The following KRT27 variants were observed in gnomAD, a reference collection of about 807,000 sequenced individuals.
KRT27 encodes the protein keratin 27.
A neutral mutation model predicts 45.3 loss-of-function variants in KRT27; 30 were observed. That is an observed-to-expected ratio of 0.66 (90% confidence interval 0.50 to 0.90). The LOEUF (loss-of-function observed/expected upper bound fraction) is 0.90. Ranked by LOEUF, KRT27 falls within the 40% of genes least tolerant of loss-of-function variation. The probability of loss-of-function intolerance (pLI) is 0.00; values close to 1 mark genes in which losing one functional copy is unlikely to be tolerated. For synonymous variants in KRT27, 204 were observed against 223.9 expected (o/e 0.91, Z 0.79); for missense variants, 610 against 564.3 (o/e 1.08, Z -0.82).
intron 2 of KRT27, 86 bp downstream of exon 2, chr17:40,781,102 G>A (rs1597803234): frequency 2.6e-6 from 2 of 778,106 alleles, no homozygotes; most frequent in South Asian, 1.9e-5. Context: ...ACAAAGGCTT[G>A]AGACAACGTC....
chr17:40,781,056 G>A (rs2143036080), intron 2 of KRT27, 132 bp downstream of exon 2: 1 of 527,882 alleles, frequency 1.9e-6, no homozygotes, highest in Non-Finnish European at 3.3e-6. Flanking sequence ...ATTCTAACAG[G>A]CATTTTGTTT....
In KRT27 at chr17:40,779,560, A is replaced by T. The variant is rs981684; in HGVS notation, c.914T>A (p.Ile305Asn). 6.2e-7 allele frequency: 1 copy of T among 1,614,014 alleles called. No homozygotes were observed. The highest frequency in any genetic ancestry group is 1.7e-5 in the Admixed American group (1 of 60,010). ...GGTTTGAAGAGTGCGTTTCATCTCG[A>T]TAAGCTCATTCCGGGCTGAGGTGGT... ...GATTSARNEL[I>N]EMKRTLQTLE... is the part of the protein sequence containing the mutation. Residue 305 changes from isoleucine (I) to asparagine (N), a missense_variant, in exon 5 of 8, where the codon ATC becomes AAC. Ile to Asn is a moderately radical substitution (Grantham distance 149). Coordinates refer to ENST00000301656, the MANE Select transcript of KRT27 (RefSeq NM_181537.4).
intron 7 of KRT27, 51 bp downstream of exon 7, chr17:40,777,202 T>G: frequency 6.2e-7 from 1 of 1,610,966 alleles, no homozygotes; most frequent in Non-Finnish European, 8.5e-7. Context: ...TAAAACATCA[T>G]TTGAAACACA....
chr17:40,777,697 C>G lies in KRT27; in HGVS notation c.1008G>C (p.Glu336Asp), dbSNP rs1207278996. ...GTGCCAGCTGTGCACAGTAGTTACT[C>G]TCGGTCTCTGTCAAGGAGCACTCCA... ...HSLECSLTET[E>D]SNYCAQLAQI... The change falls in exon 6 of 8, where the codon GAG becomes GAC. Residue 336 changes from glutamate (E) to aspartate (D), a missense_variant. Coordinates refer to ENST00000301656, the MANE Select transcript of KRT27 (RefSeq NM_181537.4). The G allele has an allele frequency of 6.2e-7, 1 of 1,614,016 alleles. No individual in the cohort carries two copies. Among genetic ancestry groups the G allele is most frequent in the Non-Finnish European group, 8.5e-7 (1 of 1,180,032 alleles).
chr17:40,777,862 ACTT>A lies in KRT27; in HGVS notation c.973-133_973-131del, dbSNP rs2038278816. On this transcript the variant is annotated intron_variant, in intron 5 of 7. Transcript: ENST00000301656. ...TAATTATATTTACCCAAAAGATTCCACTTCTTCAATATTAATTGTTGCCTTTAT... is the reference window on the plus strand; with the variant it reads ...TAATTATATTTACCCAAAAGATTCCACTTCAATATTAATTGTTGCCTTTAT... The A allele has an allele frequency of 5.4e-6, 5 of 932,644 alleles. No individual in the cohort carries two copies. In the South Asian group the frequency reaches 6.9e-5, roughly 13 times the overall value. 57.8% of individuals were successfully genotyped at this position (932,644 alleles called of 1,614,324 possible).
intron 3 of KRT27, 37 bp downstream of exon 3, chr17:40,780,263 G>C: frequency 6.4e-7 from 1 of 1,557,736 alleles, no homozygotes; most frequent in Admixed American, 2.1e-5. Flanking sequence ...ATTTGGTAGG[G>C]AGGCGATTGT....
In KRT27 at chr17:40,781,171, T is replaced by A. The variant is rs775356142; in HGVS notation, c.527+17A>T. 2 of 1,556,976 alleles carry A rather than the reference T, an allele frequency of 1.3e-6. No homozygotes were observed. The highest frequency in any genetic ancestry group is 1.8e-6 in the Non-Finnish European group (2 of 1,142,148). On this transcript the variant is annotated intron_variant, in intron 2 of 7. Transcript: ENST00000301656. ...TTAGACAACTTTTTTTTCCCATTTA[T>A]CTTCAGCTCTACTTACTTTAGTCTG...
In KRT27 at chr17:40,777,181, TA is replaced by T. The variant is rs774946384; in HGVS notation, c.1241-44del. On this transcript the variant is annotated intron_variant, in intron 7 of 7. Transcript: ENST00000301656. The stretch of plus-strand genomic sequence containing the variant: ...AACTGTTTAGAATTTATCAAATTCA[TA>T]AATAGGAAATAAAACATCATTTGAA... 6.2e-6 allele frequency: 10 copies of T among 1,610,250 alleles called. No homozygotes were observed. In the African/African-American group the frequency reaches 1.3e-4, roughly 22 times the overall value.
At chr17:40,779,941 G>T in intron 3 of KRT27, 80 bp from the exon 4 acceptor site, 1 of 1,454,930 alleles carries the variant, frequency 6.9e-7, no homozygotes. Flanking sequence ...TCGCTCTGAT[G>T]CCTAGGCTGA....
intron 6 of KRT27, 34 bp downstream of exon 6, chr17:40,777,481 A>T (rs1165425873): frequency 6.2e-7 from 1 of 1,606,224 alleles, no homozygotes; most frequent in Admixed American, 1.7e-5. Context: ...TAACCTTAAA[A>T]ATGAATTGTT....
In KRT27 at chr17:40,782,166, C is replaced by T. The variant is rs377132038; in HGVS notation, c.328G>A (p.Ala110Thr). ...ENVRALEEANADLEQKIKGWY... is the reference protein window; with the variant it reads ...ENVRALEEANTDLEQKIKGWY... ...CCCTTGATCTTCTGCTCCAAGTCAG[C>T]GTTGGCCTCCTCTAGGGCTCGAACA... is the stretch of plus-strand genomic sequence containing the variant. The change falls in exon 1 of 8, where the codon GCT becomes ACT. Residue 110 changes from alanine (A) to threonine (T), a missense_variant. Physicochemically the swap from Ala to Thr is moderately conservative, Grantham distance 58 (BLOSUM62 0). Coordinates refer to ENST00000301656, the MANE Select transcript of KRT27 (RefSeq NM_181537.4). 11 of 1,614,076 alleles carry T rather than the reference C, an allele frequency of 6.8e-6. No individual in the cohort carries two copies. The highest frequency in any genetic ancestry group is 2.2e-5 in the East Asian group (1 of 44,886).
chr17:40,777,421 G>T, intron 6 of KRT27, 94 bp downstream of exon 6: 1 of 1,520,758 alleles, frequency 6.6e-7, no homozygotes, highest in Non-Finnish European at 9.1e-7. Flanking sequence ...TATTATCTAT[G>T]CGTGATCTAG....
At position 40,779,742 on chromosome 17, in the gene KRT27, T is replaced by C; in HGVS notation, c.804A>G (p.Ala268=). Residue 268 remains alanine (A), a synonymous_variant, in exon 4 of 8, where the codon GCA becomes GCG. Transcript: ENST00000301656. ...NNMRAEYEAL[A]EQNRRDAEAW... is the part of the protein sequence containing the mutation. ...CCTCCGCGTCCCTGCGGTTCTGCTC[T>C]GCGAGGGCTTCGTACTCAGCTCGCA... is the stretch of plus-strand genomic sequence containing the variant. 2 of 1,614,258 alleles carry C rather than the reference T, an allele frequency of 1.2e-6. No homozygotes were observed. Among genetic ancestry groups the C allele is most frequent in the Non-Finnish European group, 1.7e-6 (2 of 1,180,038 alleles).
chr17:40,782,449 G>C lies in KRT27; in HGVS notation c.45C>G (p.Cys15Trp). The change falls in exon 1 of 8, where the codon TGC becomes TGG. Residue 15 changes from cysteine (C) to tryptophan (W), a missense_variant. By Grantham distance (215) the Cys-to-Trp change is radical. Coordinates refer to ENST00000301656, the MANE Select transcript of KRT27 (RefSeq NM_181537.4). ...AGAGCCTCACAGAGCCAGTGCCCCC[G>C]CAAGAGCCAAGTCTCCTGGAGGTAG... ...FSSTSRRLGS[C>W]GGTGSVRLSS... 6.2e-7 allele frequency: 1 copy of C among 1,603,764 alleles called. No homozygotes were observed. Among genetic ancestry groups the C allele is most frequent in the South Asian group, 1.1e-5 (1 of 89,610 alleles).
intron 5 of KRT27, chr17:40,778,011 C>T (rs1184755343): frequency 2.3e-6 from 1 of 426,214 alleles, no homozygotes; most frequent in African/African-American, 2.0e-5. Context: ...TGAAAGATCC[C>T]TCCCCTGCAC....
chr17:40,780,705 C>T lies in KRT27; in HGVS notation c.528-249G>A, dbSNP rs565951846. ...CTATTAAAAAATACAAAAAATTAGC[C>T]GGGCGCAGTGGTGGGCGCCTGTAGT... On this transcript the variant is annotated intron_variant, in intron 2 of 7. Coordinates refer to ENST00000301656, the MANE Select transcript of KRT27 (RefSeq NM_181537.4). Among the ~76,000 whole-genome samples, 16 of 152,164 alleles carry T rather than the reference C, an allele frequency of 1.1e-4. No individual in the cohort carries two copies. The South Asian group carries it at 3.1e-3, about 30-fold the overall frequency.
At position 40,782,317 on chromosome 17, in the gene KRT27, G is replaced by A. The variant is rs751455637; in HGVS notation, c.177C>T (p.Gly59=). Residue 59 remains glycine (G), a synonymous_variant, in exon 1 of 8, where the codon GGC becomes GGT. Coordinates refer to ENST00000301656, the MANE Select transcript of KRT27 (RefSeq NM_181537.4). ...FGGSSSAGGY[G]GGLGGGSASC... ...AAGCACTTCCCCCGCCCAGACCTCC[G>A]CCATAGCCTCCTGCAGATGAGCTGC... 30 of 1,613,924 alleles carry A rather than the reference G, an allele frequency of 1.9e-5. No individual in the cohort carries two copies. In the Admixed American group the frequency reaches 3.8e-4, roughly 21 times the overall value.
chr17:40,779,741 C>T lies in KRT27; in HGVS notation c.805G>A (p.Glu269Lys), dbSNP rs1342165143. 1.2e-6 allele frequency: 2 copies of T among 1,614,134 alleles called. No individual in the cohort carries two copies. Among genetic ancestry groups the T allele is most frequent in the Non-Finnish European group, 1.7e-6 (2 of 1,180,044 alleles). ...NMRAEYEALA[E>K]QNRRDAEAWF... ...GCCTCCGCGTCCCTGCGGTTCTGCT[C>T]TGCGAGGGCTTCGTACTCAGCTCGC... The change falls in exon 4 of 8, where the codon GAG becomes AAG. Residue 269 changes from glutamate (E) to lysine (K), a missense_variant. By Grantham distance (56) the Glu-to-Lys change is moderately conservative. Coordinates refer to ENST00000301656, the MANE Select transcript of KRT27 (RefSeq NM_181537.4).
chr17:40,777,829 C>T, intron 5 of KRT27, 97 bp from the exon 6 acceptor site: 1 of 1,196,136 alleles, frequency 8.4e-7, no homozygotes, highest in Non-Finnish European at 1.2e-6. Context: ...ATCCTTACAT[C>T]ATGCAAATAA....
Sources: allele counts gnomAD v4.1 joint callset (sites outside exome capture counted in the v4.1 genomes callset), GRCh38; gene constraint gnomAD v4.1.1; transcripts MANE v1.5; gene names NCBI Gene and HGNC (gene_info 2026-07-23, HGNC 2026-07-21).